Variants in CEP44 observed in about 807,000 individuals in gnomAD.
CEP44 encodes the protein centrosomal protein 44.
CEP44 carries 45 observed loss-of-function variants against 46.7 expected under a neutral mutation model. The ratio of observed to expected loss-of-function variants is 0.96; its 90% CI spans 0.76 to 1.24. The LOEUF (loss-of-function observed/expected upper bound fraction) is 1.24. Among genes scored for constraint, CEP44 ranks in the 50% most tolerant of loss-of-function variants. CEP44 has a pLI of 0.00. For synonymous variants in CEP44, 142 were observed against 146.0 expected (o/e 0.97, Z 0.20); for missense variants, 475 against 459.7 (o/e 1.03, Z -0.30).
downstream of CEP44, among the ~76,000 whole-genome samples, chr4:174,323,797 T>C (rs138404787): frequency 5.3e-5 from 8 of 152,066 alleles, no homozygotes; most frequent in East Asian, 1.9e-4. Context: ...AGGGCACTCA[T>C]TGGGCATTCA....
rs1018455181 is a variant in CEP44, at chr4:174,312,512, C to T, written c.961+1654C>T. On this transcript the variant is annotated intron_variant, in intron 9 of 11. Transcript: ENST00000503780. This position sits in a 1 kb window ranked among gnomAD's most constrained non-coding sequence, Gnocchi z 4.5. ...TAAAACAAGGTCTTGCTATGTTGCT[C>T]AGGCTGGTCTTGAACTCCTGGGCTC... 1.3e-5 allele frequency among the ~76,000 whole-genome samples: 2 copies of T among 152,068 alleles called. No individual in the cohort carries two copies. Among genetic ancestry groups the T allele is most frequent in the Non-Finnish European group, 2.9e-5 (2 of 68,012 alleles).
intron 4 of CEP44, 131 bp from the exon 5 acceptor site, chr4:174,303,572 T>G (rs1740007749): frequency 5.8e-6 from 3 of 521,448 alleles, no homozygotes; most frequent in Non-Finnish European, 1.0e-5. Flanking sequence ...TTTAGTACTC[T>G]TTAGTTAATG....
downstream of CEP44, among the ~76,000 whole-genome samples, chr4:174,320,684 C>CTGTGTGTGTGTGTGTGTGTATGTG (rs573044532): frequency 6.8e-6 from 1 of 147,412 alleles, no homozygotes; most frequent in Non-Finnish European, 1.5e-5. Flanking sequence ...TGAGTGTGCT[C>CTGTGTGTGTGTGTGTGTGTATGTG]TGTGTGTGTG....
chr4:174,331,586 CTG>C lies in CEP44; in HGVS notation c.1197_1198del (p.Ter400IlefsTer16), dbSNP rs1273202623. ...CACAGAGCTTTGCTTGGCCTCTCTC[CTG>C]TGTGTAATCTCTGTTTCTTGGATCC... On this transcript the variant is annotated frameshift_variant, in exon 9 of 9. Transcript: ENST00000426172. LOFTEE classifies it high-confidence loss of function. This position sits in a 1 kb window ranked among gnomAD's most constrained non-coding sequence, Gnocchi z 4.5. The C allele has an allele frequency of 2.6e-6, 4 of 1,551,214 alleles. No individual in the cohort carries two copies. Among genetic ancestry groups the C allele is most frequent in the Non-Finnish European group, 3.5e-6 (4 of 1,146,790 alleles).
Position 174,301,709 on chromosome 4 carries a change from G to A in CEP44, c.90-330G>A, listed in dbSNP as rs182358516. ...AAACCATAAAGTGTACTTCAATTTT[G>A]TAAGATGGTACATTGCTTTTATTAG... On this transcript the variant is annotated intron_variant, in intron 3 of 11. Coordinates refer to ENST00000503780, the MANE Select transcript of CEP44 (RefSeq NM_001040157.3). The surrounding 1 kb of genome is among the most constrained non-coding windows in gnomAD (Gnocchi z 4.3). Among the ~76,000 whole-genome samples the A allele has an allele frequency of 3.4e-4, 52 of 152,296 alleles. No homozygotes were observed. The highest frequency in any genetic ancestry group is 3.0e-3 in the Admixed American group (46 of 15,310).
rs2126709591 is a variant in CEP44, at chr4:174,331,402, A to C, written c.1087-80A>C. The C allele has an allele frequency of 6.9e-7, 1 of 1,449,710 alleles. No individual in the cohort carries two copies. The highest frequency in any genetic ancestry group is 2.5e-5 in the East Asian group (1 of 40,060). 89.8% of individuals were successfully genotyped at this position (1,449,710 alleles called of 1,614,324 possible). On this transcript the variant is annotated intron_variant, in intron 8 of 8. Coordinates refer to the CEP44 transcript ENST00000426172. The surrounding 1 kb of genome is among the most constrained non-coding windows in gnomAD (Gnocchi z 4.5). The stretch of plus-strand genomic sequence containing the variant: ...GAGGAAATATTAATAGCACTCTGAC[A>C]CTGCTCTAATTCCTATCTACCCATT...
At chr4:174,285,239 G>A (rs747782960) in intron 1 of CEP44, among the ~76,000 whole-genome samples, 1 of 152,178 alleles carries the variant, frequency 6.6e-6, no homozygotes, top group Non-Finnish European at 1.5e-5. Context: ...ATTAATGAAA[G>A]TAAGGTGTTA....
chr4:174,302,239 A>C (rs1248393281), intron 4 of CEP44, 53 bp downstream of exon 4: 1 of 1,195,208 alleles, frequency 8.4e-7, no homozygotes, highest in African/African-American at 1.6e-5. Flanking sequence ...ATTTTTAAAA[A>C]TTAATGATTT....
At position 174,286,321 on chromosome 4, in the gene CEP44, A is replaced by G. The variant is rs1428913622; in HGVS notation, c.-148+2378A>G. Among the ~76,000 whole-genome samples the G allele has an allele frequency of 1.3e-5, 2 of 152,278 alleles. No individual in the cohort carries two copies. Among genetic ancestry groups the G allele is most frequent in the East Asian group, 3.9e-4 (2 of 5,176 alleles). ...TTAAAGATAGAGAAACGGTGTGTAA[A>G]GGGATGATTTGTATCCTGGACAGCT... On this transcript the variant is annotated intron_variant, in intron 1 of 11. Transcript: ENST00000503780. The surrounding 1 kb of genome is among the most constrained non-coding windows in gnomAD (Gnocchi z 5.2).
At chr4:174,322,218 T>G (rs1232907876), downstream of CEP44, among the ~76,000 whole-genome samples, 1 of 152,156 alleles carries the variant, frequency 6.6e-6, no homozygotes, top group Non-Finnish European at 1.5e-5. Flanking sequence ...ATCCTCTCAA[T>G]TTCGCACCAT....
chr4:174,323,768 T>C (rs1314572508), downstream of CEP44, among the ~76,000 whole-genome samples: 1 of 152,142 alleles, frequency 6.6e-6, no homozygotes, highest in African/African-American at 2.4e-5. Flanking sequence ...GGTGGAGTTT[T>C]TGGCCTTCTG....
chr4:174,320,019 TTC>T lies in CEP44; in HGVS notation c.*2641_*2642del, dbSNP rs1410141545. The T allele has an allele frequency of 4.1e-6, 4 of 985,110 alleles. No individual in the cohort carries two copies. In the African/African-American group the frequency reaches 7.0e-5, roughly 17 times the overall value. The allele number at this position is 985,110 out of a possible 1,614,324, so 61.0% of individuals were successfully genotyped here. On this transcript the variant is annotated 3_prime_UTR_variant, in exon 12 of 12. Coordinates refer to ENST00000503780, the MANE Select transcript of CEP44 (RefSeq NM_001040157.3). ...AAAATTTTCACTTTCATTCTTTTCATTCTCTCATAAACTGGTTGAAAAAACAC... is the reference window on the plus strand; with the variant it reads ...AAAATTTTCACTTTCATTCTTTTCATTCTCATAAACTGGTTGAAAAAACAC...
rs561000261 is a variant in CEP44, at chr4:174,301,434, T to C, written c.90-605T>C. Among the ~76,000 whole-genome samples the C allele has an allele frequency of 6.6e-6, 1 of 152,092 alleles. No individual in the cohort carries two copies. Among genetic ancestry groups the C allele is most frequent in the African/African-American group, 2.4e-5 (1 of 41,426 alleles). On this transcript the variant is annotated intron_variant, in intron 3 of 11. Coordinates refer to ENST00000503780, the MANE Select transcript of CEP44 (RefSeq NM_001040157.3). This position sits in a 1 kb window ranked among gnomAD's most constrained non-coding sequence, Gnocchi z 4.3. ...GGGAAGCTTGAGATTTGATGAATGA[T>C]TTGTAAAAAATAAATAATAATTGGA...
At position 174,317,688 on chromosome 4, in the gene CEP44, G is replaced by A. The variant is rs1741892747; in HGVS notation, c.*305G>A. ...CTGTGTTGACATTTGTTGGCAGTGT[G>A]CTAAGTAATGTTTTTTAAAGCACAG... On this transcript the variant is annotated 3_prime_UTR_variant, in exon 12 of 12. Transcript: ENST00000503780. 1.0e-6 allele frequency: 1 copy of A among 1,004,778 alleles called. No homozygotes were observed. Among genetic ancestry groups the A allele is most frequent in the Non-Finnish European group, 1.2e-6 (1 of 842,346 alleles). 62.2% of individuals were successfully genotyped at this position (1,004,778 alleles called of 1,614,324 possible).
intron 6 of CEP44, 98 bp downstream of exon 6, chr4:174,304,467 T>C (rs1383883985): frequency 6.8e-7 from 1 of 1,469,252 alleles, no homozygotes; most frequent in South Asian, 1.4e-5. Context: ...ATGAACATTC[T>C]AGTTAGATAT....
chr4:174,299,866 G>GTCATTCT (rs1739508678), intron 3 of CEP44, among the ~76,000 whole-genome samples: 1 of 152,146 alleles, frequency 6.6e-6, no homozygotes, highest in African/African-American at 2.4e-5. Flanking sequence ...TGGTACTGCA[G>GTCATTCT]TCATTCTGTA....
At position 174,290,168 on chromosome 4, in the gene CEP44, A is replaced by G. The variant is rs865847183; in HGVS notation, c.-148+6225A>G. Among the ~76,000 whole-genome samples the G allele has an allele frequency of 6.6e-6, 1 of 152,058 alleles. No homozygotes were observed. The highest frequency in any genetic ancestry group is 2.1e-4 in the South Asian group (1 of 4,828). On this transcript the variant is annotated intron_variant, in intron 1 of 11. Transcript: ENST00000503780. This position sits in a 1 kb window ranked among gnomAD's most constrained non-coding sequence, Gnocchi z 4.3. ...TGTGTCCTGCCTCTTTCTTCTTCTT[A>G]ATGAATTTATTGCTATAAACACTTC...
chr4:174,317,424 TAC>T lies in CEP44; in HGVS notation c.*43_*44del. On this transcript the variant is annotated 3_prime_UTR_variant, in exon 12 of 12. Coordinates refer to ENST00000503780, the MANE Select transcript of CEP44 (RefSeq NM_001040157.3). The stretch of plus-strand genomic sequence containing the variant: ...CTTTTTTCTAGGACTTTGGTTACTA[TAC>T]ATATTGTATATTTTAAGAATTCTTT... The T allele has an allele frequency of 7.4e-7, 1 of 1,350,500 alleles. No individual in the cohort carries two copies. Among genetic ancestry groups the T allele is most frequent in the South Asian group, 2.1e-5 (1 of 48,506 alleles). The allele number at this position is 1,350,500 out of a possible 1,614,324, so 83.7% of individuals were successfully genotyped here. A position where few individuals can be genotyped will look rare whatever the true frequency, so the allele number is the denominator to read the frequency against.
rs112488477 is a variant in CEP44 at position 174,287,623 on chromosome 4, A to G, written c.-148+3680A>G. Among the ~76,000 whole-genome samples, 97 of 152,254 alleles carry G rather than the reference A, an allele frequency of 6.4e-4. No individual in the cohort carries two copies. Among genetic ancestry groups the G allele is most frequent in the African/African-American group, 2.3e-3 (97 of 41,540 alleles). On this transcript the variant is annotated intron_variant, in intron 1 of 11. Transcript: ENST00000503780. The surrounding 1 kb of genome is among the most constrained non-coding windows in gnomAD (Gnocchi z 5.1). ...CTAAATCACACACATTCTCTTTTTC[A>G]TCATTACTTGGTAAGTGGAATGTTT...
Sources: allele counts gnomAD v4.1 joint callset (sites outside exome capture counted in the v4.1 genomes callset), GRCh38; gene constraint gnomAD v4.1.1; non-coding constraint Gnocchi (gnomAD v3.1); transcripts MANE v1.5; gene names NCBI Gene and HGNC (gene_info 2026-07-23, HGNC 2026-07-21).